The following TMEM117 variants were observed in gnomAD, a reference collection of about 807,000 sequenced individuals.
TMEM117 encodes transmembrane protein 117.
Under a neutral mutation model 52.4 loss-of-function variants are expected in TMEM117, and 27 were observed. The observed-to-expected ratio is 0.51, with a 90% CI of 0.38 to 0.71. TMEM117 has a LOEUF of 0.71. Ranked by LOEUF, TMEM117 falls within the 30% of genes least tolerant of loss-of-function variation. The probability of loss-of-function intolerance (pLI) is 0.00; values close to 1 mark genes in which losing one functional copy is unlikely to be tolerated. For synonymous variants in TMEM117, 215 were observed against 206.3 expected, an observed-to-expected ratio of 1.04 and a Z score of -0.36; for missense variants, 556 against 630.5, an observed-to-expected ratio of 0.88 and a Z score of 1.26.
chr12:44,269,385 G>A (rs566156036), intron 5 of TMEM117, among the ~76,000 whole-genome samples: 5 of 151,910 alleles, frequency 3.3e-5, no homozygotes, highest in African/African-American at 7.2e-5. Context: ...AAATGTATCC[G>A]TTTCACACAG....
chr12:44,260,398 G>A (rs1208503450), intron 5 of TMEM117, among the ~76,000 whole-genome samples: 1 of 152,126 alleles, frequency 6.6e-6, no homozygotes, highest in Non-Finnish European at 1.5e-5. Context: ...ATGATGAGAA[G>A]CTGTGTGATT....
At chr12:44,034,295 A>G (rs1192385011) in intron 3 of TMEM117, among the ~76,000 whole-genome samples, 1 of 152,208 alleles carries the variant, frequency 6.6e-6, no homozygotes, top group Non-Finnish European at 1.5e-5. Flanking sequence ...CACAGAGGCT[A>G]AACTATGAAA....
intron 6 of TMEM117, among the ~76,000 whole-genome samples, chr12:44,304,257 G>C (rs1950877300): frequency 6.6e-6 from 1 of 152,174 alleles, no homozygotes; most frequent in Non-Finnish European, 1.5e-5. Context: ...ATAGCAGAAT[G>C]CAACACAGGG....
chr12:43,963,434 T>C (rs1307416252), intron 3 of TMEM117, among the ~76,000 whole-genome samples: 1 of 152,204 alleles, frequency 6.6e-6, no homozygotes, highest in East Asian at 1.9e-4. Context: ...ATATAGTTCA[T>C]AAAACTGAGA....
chr12:44,014,949 C>T (rs972379160), intron 3 of TMEM117, among the ~76,000 whole-genome samples: 10 of 152,024 alleles, frequency 6.6e-5, no homozygotes, highest in African/African-American at 2.4e-4. Context: ...ACAGCACAAG[C>T]CTGCTGTAAT....
At chr12:44,334,968 G>C (rs1201458052) in intron 6 of TMEM117, among the ~76,000 whole-genome samples, 3 of 152,006 alleles carry the variant, frequency 2.0e-5, no homozygotes, top group African/African-American at 7.2e-5. Flanking sequence ...AATGTAAGGG[G>C]GGCATTATAA....
In TMEM117 at chr12:44,089,638, T is replaced by C. The variant is rs150599799; in HGVS notation, c.411-53887T>C. On this transcript the variant is annotated intron_variant, in intron 3 of 7. Transcript: ENST00000266534. ...AGAGAGTCACATGAGAATACACTTA[T>C]CATGAATCTATAATTCTCCTGTAAC... Among the ~76,000 whole-genome samples, 486 of 152,268 alleles carry C rather than the reference T, an allele frequency of 3.2e-3. 6 individuals carry two copies. Among genetic ancestry groups the C allele is most frequent in the East Asian group, 0.019 (100 of 5,178 alleles).
upstream of TMEM117, among the ~76,000 whole-genome samples, chr12:43,834,110 T>G (rs1317326565): frequency 6.6e-6 from 1 of 152,108 alleles, no homozygotes; most frequent in African/African-American, 2.4e-5. Context: ...ATAGTAGTAA[T>G]AAAAGAAATA....
chr12:44,137,474 T>G (rs981793442), intron 3 of TMEM117, among the ~76,000 whole-genome samples: 2 of 152,106 alleles, frequency 1.3e-5, no homozygotes, highest in African/African-American at 4.8e-5. Flanking sequence ...AAAATGAAGA[T>G]GCCTTGCAGA....
intron 2 of TMEM117, among the ~76,000 whole-genome samples, chr12:43,856,302 C>T (rs77124140): frequency 0.013 from 2,049 of 152,278 alleles, 34 homozygotes; most frequent in African/African-American, 0.047. Flanking sequence ...TCATTCTCAA[C>T]CAGTCTGTAT....
chr12:43,816,738 A>G, the TMEM117 span, among the ~76,000 whole-genome samples: 9 of 152,246 alleles, frequency 5.9e-5, no homozygotes, highest in South Asian at 4.1e-4. Flanking sequence ...TTTAAAATTA[A>G]CTGCACTATG....
intron 3 of TMEM117, chr12:44,010,217 G>T: frequency 2.0e-6 from 1 of 492,588 alleles, no homozygotes; most frequent in Non-Finnish European, 4.1e-6. Flanking sequence ...AAATGAGGGT[G>T]CATCAGGTTT....
chr12:44,305,434 A>G (rs2138656092), intron 6 of TMEM117, among the ~76,000 whole-genome samples: 1 of 152,264 alleles, frequency 6.6e-6, no homozygotes, highest in East Asian at 1.9e-4. Flanking sequence ...AGAATTTAAA[A>G]GATACTTAAA....
intron 3 of TMEM117, among the ~76,000 whole-genome samples, chr12:44,088,062 A>G (rs1947601947): frequency 6.6e-6 from 1 of 152,212 alleles, no homozygotes; most frequent in African/African-American, 2.4e-5. Flanking sequence ...TGATGATATC[A>G]TATGTCCCTT....
chr12:44,036,271 A>T (rs1031313274), intron 3 of TMEM117, among the ~76,000 whole-genome samples: 3 of 152,216 alleles, frequency 2.0e-5, no homozygotes. Context: ...TTTAAAGAAT[A>T]ATAGTGAAAG....
chr12:44,119,840 T>A (rs1948204494), intron 3 of TMEM117, among the ~76,000 whole-genome samples: 1 of 152,134 alleles, frequency 6.6e-6, no homozygotes, highest in African/African-American at 2.4e-5. Context: ...CTAAGGTGAA[T>A]CTAATGTGTA....
chr12:44,070,327 A>G (rs1947283574), intron 3 of TMEM117, among the ~76,000 whole-genome samples: 1 of 152,202 alleles, frequency 6.6e-6, no homozygotes, highest in African/African-American at 2.4e-5. Context: ...AAGGAGGGAA[A>G]GACAGCACTT....
At chr12:44,046,714 C>T (rs544966415) in intron 3 of TMEM117, among the ~76,000 whole-genome samples, 6 of 152,154 alleles carry the variant, frequency 3.9e-5, no homozygotes, top group Non-Finnish European at 8.8e-5. Context: ...TTTATTTCCT[C>T]CTTTTTTTGT....
the TMEM117 span, among the ~76,000 whole-genome samples, chr12:43,830,230 G>A: frequency 6.6e-6 from 1 of 152,080 alleles, no homozygotes; most frequent in Non-Finnish European, 1.5e-5. Flanking sequence ...CAGGAGTGAT[G>A]CTGACCACCC....
Sources: allele counts gnomAD v4.1 joint callset (sites outside exome capture counted in the v4.1 genomes callset), GRCh38; gene constraint gnomAD v4.1.1; transcripts MANE v1.5; gene names NCBI Gene and HGNC (gene_info 2026-07-23, HGNC 2026-07-21).